The following TUSC3 variants were observed in gnomAD, a reference collection of about 807,000 sequenced individuals.
The protein encoded by TUSC3 is dolichyl-diphosphooligosaccharide--protein glycosyltransferase subunit TUSC3.
TUSC3 carries 45 observed loss-of-function variants against 44.8 expected under a neutral mutation model. The ratio of observed to expected loss-of-function variants is 1.00; its 90% CI spans 0.79 to 1.29. The LOEUF (loss-of-function observed/expected upper bound fraction) is 1.29. TUSC3 is among the 50% of genes most tolerant of loss of function. TUSC3 has a pLI of 0.00. For missense variants in TUSC3, 519 were observed against 437.9 expected (o/e 1.19, Z -1.65); for synonymous variants, 212 against 152.9 (o/e 1.39, Z -2.85).
intron 6 of TUSC3, among the ~76,000 whole-genome samples, chr8:15,728,128 G>C (rs1810574625): frequency 6.6e-6 from 1 of 152,124 alleles, no homozygotes; most frequent in Non-Finnish European, 1.5e-5. Context: ...ATTGTGACTG[G>C]AAATACAAAA....
intron 2 of TUSC3, among the ~76,000 whole-genome samples, chr8:15,533,057 C>CT (rs1285259118): frequency 1.3e-5 from 2 of 152,182 alleles, no homozygotes; most frequent in Non-Finnish European, 2.9e-5. Context: ...TCCCAGAGTG[C>CT]TGGGATTACA....
chr8:15,598,151 T>C (rs1804144973), intron 1 of TUSC3, among the ~76,000 whole-genome samples: 1 of 152,016 alleles, frequency 6.6e-6, no homozygotes, highest in South Asian at 2.1e-4. Context: ...TGGGGTTTTA[T>C]GTGATCTTTG....
intron 1 of TUSC3, among the ~76,000 whole-genome samples, chr8:15,460,537 G>C (rs1297119091): frequency 6.6e-6 from 1 of 151,972 alleles, no homozygotes; most frequent in Non-Finnish European, 1.5e-5. Flanking sequence ...CTTTAATTAT[G>C]TCCCAGCTAT....
rs367923773 is a variant in TUSC3 at position 15,452,620 on chromosome 8, G to A, written n.92-30766G>A. Reference sequence around the variant, plus strand: ...CAGATAAGCTATAAGGCAGACTTACGTCTGCCTTGCTTTGTAGTCCAGGAC... The same window carrying A: ...CAGATAAGCTATAAGGCAGACTTACATCTGCCTTGCTTTGTAGTCCAGGAC... On this transcript the variant is annotated intron_variant and non_coding_transcript_variant, in intron 1 of 5. Coordinates refer to the TUSC3 transcript ENST00000503191. Among the ~76,000 whole-genome samples the A allele has an allele frequency of 4.7e-4, 72 of 152,274 alleles. 1 individual carries two copies. The highest frequency in any genetic ancestry group is 3.7e-3 in the East Asian group (19 of 5,172).
At chr8:15,591,991 G>A (rs1443174872) in intron 1 of TUSC3, among the ~76,000 whole-genome samples, 1 of 152,154 alleles carries the variant, frequency 6.6e-6, no homozygotes, top group East Asian at 1.9e-4. Context: ...AAGCCTTCAG[G>A]AGGCAGCTAT....
intron 6 of TUSC3, among the ~76,000 whole-genome samples, chr8:15,715,699 GAA>G (rs5889599): frequency 7.1e-6 from 1 of 140,900 alleles, no homozygotes. Flanking sequence ...ATGTAAAACA[GAA>G]AAAAAAAAAT....
intron 1 of TUSC3, 21 bp from the exon 2 acceptor site, chr8:15,623,059 A>G (rs748133115): frequency 6.2e-7 from 1 of 1,612,290 alleles, no homozygotes; most frequent in Non-Finnish European, 8.5e-7. Context: ...TGTAAATGTT[A>G]ATTTCTGTGT....
At chr8:15,716,595 G>A (rs758466103) in intron 6 of TUSC3, among the ~76,000 whole-genome samples, 3 of 152,196 alleles carry the variant, frequency 2.0e-5, no homozygotes, top group South Asian at 4.1e-4. Flanking sequence ...TACTAATGAC[G>A]AAATATACTT....
chr8:15,586,560 A>T (rs79854270), intron 1 of TUSC3, among the ~76,000 whole-genome samples: 12,521 of 152,216 alleles, frequency 0.082, 595 homozygotes, highest in Middle Eastern at 0.14. Context: ...CCCAGCCAGG[A>T]CACACACTTC....
chr8:15,421,478 TTAAAGACAC>T (rs1247407585), intron 1 of TUSC3, among the ~76,000 whole-genome samples: 1 of 152,194 alleles, frequency 6.6e-6, no homozygotes. Context: ...CACCATCTTA[TTAAAGACAC>T]TAAACTGCAT....
At chr8:15,615,175 C>CATTATTCACAA (rs1804937391) in intron 1 of TUSC3, among the ~76,000 whole-genome samples, 1 of 152,144 alleles carries the variant, frequency 6.6e-6, no homozygotes, top group Non-Finnish European at 1.5e-5. Context: ...TTTATTGAAG[C>CATTATTCACAA]ATTATTCACA....
At chr8:15,417,205 C>CT (rs2129114276), upstream of TUSC3, 1 of 152,566 alleles carries the variant, frequency 6.6e-6, no homozygotes, top group South Asian at 2.1e-4. Context: ...TCCTCCTGCT[C>CT]TGGCTGTGTG....
At chr8:15,604,322 A>T (rs888829976) in intron 1 of TUSC3, among the ~76,000 whole-genome samples, 1 of 151,678 alleles carries the variant, frequency 6.6e-6, no homozygotes, top group Non-Finnish European at 1.5e-5. Flanking sequence ...AGGAATTCAG[A>T]GGTACCTGTA....
At chr8:15,447,448 C>G (rs1233713560) in intron 1 of TUSC3, among the ~76,000 whole-genome samples, 2 of 151,872 alleles carry the variant, frequency 1.3e-5, no homozygotes, top group Non-Finnish European at 2.9e-5. Context: ...CATTATGAAA[C>G]TAAAAATGAA....
chr8:15,474,672 A>C (rs1800550887), intron 1 of TUSC3, among the ~76,000 whole-genome samples: 1 of 152,350 alleles, frequency 6.6e-6, no homozygotes, highest in Admixed American at 6.5e-5. Context: ...ACACTTTTTA[A>C]CAAGTTAATA....
At chr8:15,443,336 T>TTTTGTGTGTG (rs1403657390) in intron 1 of TUSC3, among the ~76,000 whole-genome samples, 2 of 132,884 alleles carry the variant, frequency 1.5e-5, no homozygotes, top group African/African-American at 5.8e-5. Flanking sequence ...ACCCACCTAA[T>TTTTGTGTGTG]TGTGTGTGTG....
chr8:15,829,154 G>T, the TUSC3 span, among the ~76,000 whole-genome samples: 1 of 151,818 alleles, frequency 6.6e-6, no homozygotes, highest in Non-Finnish European at 1.5e-5. Context: ...CAATTGCATG[G>T]TGTATGTACT....
At chr8:15,647,020 C>A (rs1260683176) in intron 2 of TUSC3, among the ~76,000 whole-genome samples, 1 of 152,064 alleles carries the variant, frequency 6.6e-6, no homozygotes, top group Non-Finnish European at 1.5e-5. Flanking sequence ...GATGAGCAGA[C>A]ATCTTCTTCC....
intron 7 of TUSC3, among the ~76,000 whole-genome samples, chr8:15,738,917 C>A (rs1257949261): frequency 7.0e-6 from 1 of 142,150 alleles, no homozygotes; most frequent in Non-Finnish European, 1.5e-5. Context: ...ACTGCAACCT[C>A]TGCCTCCCAA....
Sources: gnomAD v4.1 joint callset for allele counts (sites outside exome capture counted in the v4.1 genomes callset) on GRCh38, gnomAD v4.1.1 for gene constraint, MANE v1.5 for transcripts, NCBI Gene and HGNC (gene_info 2026-07-23, HGNC 2026-07-21) for gene names.